Variants in SEZ6L observed in about 807,000 individuals in gnomAD.
SEZ6L encodes seizure 6-like protein.
Under a neutral mutation model 106.2 loss-of-function variants are expected in SEZ6L, and 37 were observed. That is an observed-to-expected ratio of 0.35 (90% CI 0.27 to 0.46). The LOEUF (loss-of-function observed/expected upper bound fraction) is 0.46, where lower values mean the gene tolerates loss of function less well. Among genes scored for constraint, SEZ6L ranks in the 20% least tolerant of loss-of-function variants. The probability of loss-of-function intolerance (pLI) is 1.00; values close to 1 mark genes in which losing one functional copy is unlikely to be tolerated. For synonymous variants in SEZ6L, 541 were observed against 570.4 expected, an observed-to-expected ratio of 0.95 and a Z score of 0.73; for missense variants, 1,172 against 1,332.8, an observed-to-expected ratio of 0.88 and a Z score of 1.88.
At chr22:26,305,884 T>C in intron 5 of SEZ6L, 95 bp from the exon 6 acceptor site, 2 of 1,307,698 alleles carry the variant, frequency 1.5e-6, no homozygotes, top group Non-Finnish European at 2.1e-6. Context: ...AAACACTCAC[T>C]TCCTTCTCTC....
At chr22:26,290,376 C>T (rs1257978518) in intron 1 of SEZ6L, among the ~76,000 whole-genome samples, 1 of 151,900 alleles carries the variant, frequency 6.6e-6, no homozygotes, top group Non-Finnish European at 1.5e-5. Context: ...CTAAAAAATA[C>T]AAAAAATTAG....
At chr22:26,258,465 G>A (rs949069882) in intron 1 of SEZ6L, among the ~76,000 whole-genome samples, 16 of 152,050 alleles carry the variant, frequency 1.1e-4, no homozygotes, top group African/African-American at 3.9e-4. Context: ...CAAAAGAGAG[G>A]GCAAAAGCAC....
At chr22:26,313,293 C>T (rs997504939) in intron 8 of SEZ6L, among the ~76,000 whole-genome samples, 2 of 152,218 alleles carry the variant, frequency 1.3e-5, no homozygotes, top group Middle Eastern at 3.4e-3. Flanking sequence ...GGTATTGCCC[C>T]CATTTTGTAG....
At chr22:26,206,636 G>A (rs1288545354) in intron 1 of SEZ6L, among the ~76,000 whole-genome samples, 1 of 152,164 alleles carries the variant, frequency 6.6e-6, no homozygotes, top group East Asian at 1.9e-4. Flanking sequence ...ATCCCAAAAA[G>A]CACAGAATGG....
At chr22:26,226,272 A>C (rs2078631012) in intron 1 of SEZ6L, among the ~76,000 whole-genome samples, 1 of 152,230 alleles carries the variant, frequency 6.6e-6, no homozygotes. Flanking sequence ...TTCAGAATAA[A>C]GACCAAAATG....
At position 26,365,542 on chromosome 22, in the gene SEZ6L, A is replaced by C; in HGVS notation, c.2770A>C (p.Asn924His). Reference sequence around the variant, plus strand: ...CATCCTGGGACAGCCATCCCACTGGAACGGGCCCCTGCCCGTGTGTAAAGG... The same window carrying C: ...CATCCTGGGACAGCCATCCCACTGGCACGGGCCCCTGCCCGTGTGTAAAGG... ...RCILGQPSHW[N>H]GPLPVCKVNQ... Residue 924 changes from asparagine to histidine, a missense_variant, in exon 13 of 17, where the codon AAC becomes CAC. Physicochemically the swap from Asn to His is moderately conservative, Grantham distance 68 (BLOSUM62 1). Transcript: ENST00000248933. The C allele has an allele frequency of 2.5e-6, 4 of 1,614,016 alleles. No individual in the cohort carries two copies. The highest frequency in any genetic ancestry group is 3.4e-6 in the Non-Finnish European group (4 of 1,179,918).
At chr22:26,266,490 G>A (rs749670113) in intron 1 of SEZ6L, among the ~76,000 whole-genome samples, 2 of 151,300 alleles carry the variant, frequency 1.3e-5, no homozygotes, top group African/African-American at 2.4e-5. Flanking sequence ...GGAGAATGGC[G>A]TGAACCCGGG....
intron 1 of SEZ6L, among the ~76,000 whole-genome samples, chr22:26,261,482 G>C (rs1448496658): frequency 6.6e-6 from 1 of 152,196 alleles, no homozygotes; most frequent in Non-Finnish European, 1.5e-5. Flanking sequence ...CATTTGTTGT[G>C]TAGGGTGTCC....
At chr22:26,350,717 T>C (rs1005897697) in intron 11 of SEZ6L, among the ~76,000 whole-genome samples, 2 of 148,778 alleles carry the variant, frequency 1.3e-5, no homozygotes, top group Middle Eastern at 3.5e-3. Flanking sequence ...AGTGCAGTGG[T>C]GCGATCTCGG....
At chr22:26,205,357 C>T (rs1236658990) in intron 1 of SEZ6L, among the ~76,000 whole-genome samples, 1 of 152,228 alleles carries the variant, frequency 6.6e-6, no homozygotes, top group Non-Finnish European at 1.5e-5. Context: ...GTTACTAGTT[C>T]TGAATTCCTC....
intron 1 of SEZ6L, among the ~76,000 whole-genome samples, chr22:26,225,544 A>G (rs1569397157): frequency 2.0e-5 from 3 of 152,144 alleles, no homozygotes; most frequent in Admixed American, 6.6e-5. Context: ...GAATTAGATG[A>G]CTCGAAGAAG....
intron 9 of SEZ6L, among the ~76,000 whole-genome samples, chr22:26,326,303 C>A (rs1168059486): frequency 6.6e-6 from 1 of 152,202 alleles, no homozygotes; most frequent in Non-Finnish European, 1.5e-5. Flanking sequence ...GGAGACACGA[C>A]TGCTTGTTTT....
chr22:26,333,450 C>T (rs2082550623), intron 9 of SEZ6L, among the ~76,000 whole-genome samples: 2 of 152,116 alleles, frequency 1.3e-5, no homozygotes, highest in African/African-American at 4.8e-5. Context: ...TGAAAGCAGC[C>T]AGGGCACTGG....
intron 12 of SEZ6L, among the ~76,000 whole-genome samples, chr22:26,360,100 C>T (rs994439010): frequency 3.3e-5 from 5 of 152,312 alleles, no homozygotes; most frequent in African/African-American, 1.2e-4. Flanking sequence ...GGACACCAAA[C>T]CAGTGGTTCT....
At chr22:26,201,574 AAAAAT>A (rs957167012) in intron 1 of SEZ6L, among the ~76,000 whole-genome samples, 2 of 151,984 alleles carry the variant, frequency 1.3e-5, no homozygotes, top group South Asian at 2.1e-4. Context: ...AATAAAAAAT[AAAAAT>A]AAAATAAAAT....
chr22:26,181,655 C>T (rs1939403548), intron 1 of SEZ6L, among the ~76,000 whole-genome samples: 1 of 152,120 alleles, frequency 6.6e-6, no homozygotes, highest in South Asian at 2.1e-4. Flanking sequence ...ATTTCCTCAA[C>T]TGTGAAATGA....
intron 9 of SEZ6L, among the ~76,000 whole-genome samples, chr22:26,338,054 T>C (rs538141231): frequency 5.9e-5 from 9 of 152,296 alleles, no homozygotes; most frequent in South Asian, 4.1e-4. Flanking sequence ...CTGTTGGCCA[T>C]TGGATGAAGC....
chr22:26,348,045 A>G (rs1377115491), intron 11 of SEZ6L, 132 bp downstream of exon 11: 6 of 676,628 alleles, frequency 8.9e-6, no homozygotes, highest in Admixed American at 3.9e-5. Context: ...ATTCACGAGC[A>G]TTGCTCACAA....
At chr22:26,360,311 G>A (rs775412112) in intron 12 of SEZ6L, among the ~76,000 whole-genome samples, 1 of 152,168 alleles carries the variant, frequency 6.6e-6, no homozygotes, top group Non-Finnish European at 1.5e-5. Context: ...TATCCTTTAT[G>A]CACCTTCCAT....
Sources: gnomAD v4.1 joint callset for allele counts (sites outside exome capture counted in the v4.1 genomes callset) on GRCh38, gnomAD v4.1.1 for gene constraint, MANE v1.5 for transcripts, NCBI Gene and HGNC (gene_info 2026-07-23, HGNC 2026-07-21) for gene names.